The following MPPED2 variants were observed in gnomAD, a reference collection of about 807,000 sequenced individuals.
The protein encoded by MPPED2 is metallophosphoesterase MPPED2.
A neutral mutation model predicts 33.0 loss-of-function variants in MPPED2; 5 were observed. The ratio of observed to expected loss-of-function variants is 0.15; its 90% CI spans 0.08 to 0.32. MPPED2 has a LOEUF of 0.32. Among genes scored for constraint, MPPED2 ranks in the 10% least tolerant of loss-of-function variants. The probability of loss-of-function intolerance (pLI) is 1.00; values close to 1 mark genes in which losing one functional copy is unlikely to be tolerated. For missense variants in MPPED2, 275 were observed against 372.1 expected, an observed-to-expected ratio of 0.74 and a Z score of 2.15; for synonymous variants, 136 against 141.9, an observed-to-expected ratio of 0.96 and a Z score of 0.29.
chr11:30,395,860 T>C (rs891566880), intron 6 of MPPED2, among the ~76,000 whole-genome samples: 3 of 152,124 alleles, frequency 2.0e-5, no homozygotes, highest in Admixed American at 6.6e-5. Flanking sequence ...TTCACGGAGG[T>C]ATTAATATCA....
chr11:30,387,858 T>G (rs1368599585), exon 7 of MPPED2: 1 of 152,200 alleles, frequency 6.6e-6, no homozygotes, highest in Non-Finnish European at 1.5e-5. Context: ...ACCTGGCCCT[T>G]TTAGAGTTCA....
Position 30,432,104 on chromosome 11 carries a change from G to A in MPPED2, c.537-14471C>T, listed in dbSNP as rs1278271984. ...GAATTGCTTGAACCCAGGAGGCAGAGGTTTCAAGGAGCCGAGATCGCGCCA... is the reference window on the plus strand; with the variant it reads ...GAATTGCTTGAACCCAGGAGGCAGAAGTTTCAAGGAGCCGAGATCGCGCCA... On this transcript the variant is annotated intron_variant, in intron 4 of 6. Transcript: ENST00000358117. Among the ~76,000 whole-genome samples the A allele has an allele frequency of 2.0e-5, 3 of 151,914 alleles. No individual in the cohort carries two copies. The East Asian group carries it at 5.8e-4, about 29-fold the overall frequency.
chr11:30,562,067 A>G (rs1590867230), intron 2 of MPPED2, among the ~76,000 whole-genome samples: 1 of 152,178 alleles, frequency 6.6e-6, no homozygotes, highest in African/African-American at 2.4e-5. Context: ...ATGTCTCCAA[A>G]TGGAAAAGAC....
chr11:30,476,678 T>C (rs1951217340), intron 4 of MPPED2, among the ~76,000 whole-genome samples: 1 of 152,104 alleles, frequency 6.6e-6, no homozygotes, highest in East Asian at 1.9e-4. Context: ...GATAGTACAG[T>C]CCATCAACTT....
At position 30,422,393 on chromosome 11, in the gene MPPED2, A is replaced by G. The variant is rs149627664; in HGVS notation, c.537-4760T>C. On this transcript the variant is annotated intron_variant, in intron 4 of 6. Coordinates refer to ENST00000358117, the MANE Select transcript of MPPED2 (RefSeq NM_001584.3). ...TTCTGTGCAGATTATCCATGTTCTG[A>G]GTAACTGCAGTGAATTGCTCTCAGT... Among the ~76,000 whole-genome samples the G allele has an allele frequency of 2.7e-4, 41 of 152,300 alleles. 1 individual carries two copies. The highest frequency in any genetic ancestry group is 9.4e-4 in the African/African-American group (39 of 41,556).
chr11:30,470,345 G>A (rs1164853625), intron 4 of MPPED2, among the ~76,000 whole-genome samples: 2 of 152,092 alleles, frequency 1.3e-5, no homozygotes, highest in African/African-American at 4.8e-5. Flanking sequence ...TTAGATGGGA[G>A]GAATTTTTTT....
chr11:30,431,258 T>A (rs1025050476), intron 4 of MPPED2, among the ~76,000 whole-genome samples: 1 of 152,140 alleles, frequency 6.6e-6, no homozygotes. Context: ...ACAGCGTGTG[T>A]GTATTCTCTG....
At chr11:30,386,518 A>T in exon 7 of MPPED2, 2 of 381,980 alleles carry the variant, frequency 5.2e-6, no homozygotes, top group Non-Finnish European at 9.3e-6. Context: ...CAGAACTGTG[A>T]TTTAAATAAA....
chr11:30,572,980 A>G (rs889676256), intron 2 of MPPED2, among the ~76,000 whole-genome samples: 2 of 152,210 alleles, frequency 1.3e-5, no homozygotes, highest in African/African-American at 4.8e-5. Flanking sequence ...TGAAATTCAG[A>G]GAGGCCCTAC....
At chr11:30,454,226 C>A (rs974198129) in intron 4 of MPPED2, among the ~76,000 whole-genome samples, 4 of 152,164 alleles carry the variant, frequency 2.6e-5, no homozygotes, top group African/African-American at 9.7e-5. Flanking sequence ...GCTCTTACAG[C>A]CTCATTAAAT....
intron 4 of MPPED2, among the ~76,000 whole-genome samples, chr11:30,435,920 A>G (rs1371829919): frequency 1.3e-5 from 2 of 152,226 alleles, no homozygotes; most frequent in Admixed American, 6.5e-5. Context: ...TCAGCATAGC[A>G]TAGGAGAGAT....
intron 4 of MPPED2, among the ~76,000 whole-genome samples, chr11:30,426,959 C>A (rs183583122): frequency 6.6e-6 from 1 of 152,102 alleles, no homozygotes; most frequent in Non-Finnish European, 1.5e-5. Context: ...AGAGACTGAG[C>A]CTGCAAGGGT....
chr11:30,470,305 A>G (rs1203275501), intron 4 of MPPED2, among the ~76,000 whole-genome samples: 1 of 152,140 alleles, frequency 6.6e-6, no homozygotes, highest in Non-Finnish European at 1.5e-5. Context: ...GCACCACTTA[A>G]AAGTTGATTG....
At chr11:30,541,953 A>G (rs1231757316) in intron 2 of MPPED2, among the ~76,000 whole-genome samples, 4 of 152,164 alleles carry the variant, frequency 2.6e-5, no homozygotes, top group African/African-American at 7.2e-5. Context: ...TCACCCAGAA[A>G]ATTTAGATAG....
intron 4 of MPPED2, among the ~76,000 whole-genome samples, chr11:30,489,720 G>A (rs1458733859): frequency 6.6e-6 from 1 of 152,164 alleles, no homozygotes; most frequent in East Asian, 1.9e-4. Context: ...TCAGCCTAGA[G>A]ATCAAATTCC....
intron 3 of MPPED2, among the ~76,000 whole-genome samples, chr11:30,507,535 C>T (rs1320308950): frequency 6.6e-6 from 1 of 152,176 alleles, no homozygotes; most frequent in Non-Finnish European, 1.5e-5. Context: ...TTGAGTGAAG[C>T]ATTTCAAGTA....
chr11:30,428,849 CATT>C (rs1948956638), intron 4 of MPPED2: 1 of 152,198 alleles, frequency 6.6e-6, no homozygotes, highest in African/African-American at 2.4e-5. Flanking sequence ...TTATCATCAT[CATT>C]ATGAATGTTA....
At chr11:30,493,350 G>A (rs1313840564) in intron 4 of MPPED2, among the ~76,000 whole-genome samples, 1 of 141,938 alleles carries the variant, frequency 7.0e-6, no homozygotes, top group African/African-American at 2.7e-5. Context: ...CCGCCTGGGC[G>A]ACAGAACGAG....
chr11:30,488,742 G>A (rs1951845642), intron 4 of MPPED2, among the ~76,000 whole-genome samples: 1 of 152,126 alleles, frequency 6.6e-6, no homozygotes, highest in Non-Finnish European at 1.5e-5. Flanking sequence ...TCTAGACTAG[G>A]GCAGAACAGC....
Sources: gnomAD v4.1 joint callset for allele counts (sites outside exome capture counted in the v4.1 genomes callset) on GRCh38, gnomAD v4.1.1 for gene constraint, MANE v1.5 for transcripts, NCBI Gene and HGNC (gene_info 2026-07-23, HGNC 2026-07-21) for gene names.